Variants in P4HA3 observed in about 807,000 individuals in gnomAD.
P4HA3 encodes the protein prolyl 4-hydroxylase subunit alpha-3.
A neutral mutation model predicts 66.7 loss-of-function variants in P4HA3; 60 were observed. The observed-to-expected ratio is 0.90, with a 90% CI of 0.73 to 1.12. The LOEUF (loss-of-function observed/expected upper bound fraction) is 1.12, where lower values mean the gene tolerates loss of function less well. Ranked by LOEUF, P4HA3 falls within the 50% of genes most tolerant of loss-of-function variation. The pLI is 0.00. For missense variants in P4HA3, 683 were observed against 685.8 expected (o/e 1.00, Z 0.05); for synonymous variants, 263 against 274.6 (o/e 0.96, Z 0.42).
In P4HA3 at chr11:74,251,597, A is replaced by G. The variant is rs1859664780; in HGVS notation, c.*1319-3596T>C. The G allele has an allele frequency of 8.1e-6, 13 of 1,598,774 alleles. No homozygotes were observed. The East Asian group carries it at 2.7e-4, about 33-fold the overall frequency. On this transcript the variant is annotated intron_variant and NMD_transcript_variant, in intron 15 of 15. Coordinates refer to the P4HA3 transcript ENST00000524388. ...TAACAGTAGCTCACAGCCCAAGGCT[A>G]AGCCCCATCACTAACCTTTATATGG...
chr11:74,268,171 C>G lies in P4HA3; in HGVS notation c.1538G>C (p.Cys513Ser). The change falls in exon 12 of 13, where the codon TGT becomes TCT. Residue 513 changes from cysteine (C) to serine (S), a missense_variant. Cys to Ser is a moderately radical substitution (Grantham distance 112). Coordinates refer to ENST00000331597, the MANE Select transcript of P4HA3 (RefSeq NM_182904.5). The part of the protein sequence containing the change: ...EGDSDTLHAG[C>S]PVLVGDKWVA... ...CCACTTATCTCCCACCAGGACAGGA[C>G]AGCCAGCATGAAGTGTGTCACTGTC... 1.2e-6 allele frequency: 2 copies of G among 1,614,092 alleles called. No individual in the cohort carries two copies. The highest frequency in any genetic ancestry group is 2.7e-5 in the African/African-American group (2 of 75,058).
At chr11:74,304,932 A>G (rs1231957997) in intron 1 of P4HA3, among the ~76,000 whole-genome samples, 2 of 152,142 alleles carry the variant, frequency 1.3e-5, no homozygotes, top group Non-Finnish European at 2.9e-5. Flanking sequence ...TCAGATCATC[A>G]GGTACCAGTT....
chr11:74,252,594 G>A (rs576876073), intron 15 of P4HA3: 56 of 452,920 alleles, frequency 1.2e-4, no homozygotes, highest in African/African-American at 9.4e-4. Context: ...ACATTTTGAG[G>A]TGGATAATTC....
chr11:74,254,839 G>A (rs530579294), intron 15 of P4HA3: 3 of 152,482 alleles, frequency 2.0e-5, no homozygotes, highest in East Asian at 1.9e-4. Flanking sequence ...TGCTCTGCCT[G>A]TCCCCTGATC....
At chr11:74,274,028 G>C (rs2134734031) in intron 9 of P4HA3, among the ~76,000 whole-genome samples, 1 of 151,740 alleles carries the variant, frequency 6.6e-6, no homozygotes, top group Admixed American at 6.6e-5. Flanking sequence ...GGAACAGTTT[G>C]AGATATGATT....
rs1320054974 is a variant in P4HA3 at position 74,252,234 on chromosome 11, ATTTTGTTTTTTT to A, written c.*1319-4245_*1319-4234del. The stretch of plus-strand genomic sequence containing the variant: ...AGGCGTACGCCACCGTACCCGGCTA[ATTTTGTTTTTTT>A]TTTTGTTTTTTTTTTTTTTTAGTAA... On this transcript the variant is annotated intron_variant and NMD_transcript_variant, in intron 15 of 15. Transcript: ENST00000524388. 1.1e-4 allele frequency among the ~76,000 whole-genome samples: 14 copies of A among 133,052 alleles called. No individual in the cohort carries two copies. The South Asian group carries it at 1.6e-3, about 15-fold the overall frequency. The allele number at this position is 133,052 out of a possible 152,430, so 87.3% of individuals were successfully genotyped here.
In P4HA3 at chr11:74,286,365, T is replaced by C. The variant is rs1236387103; in HGVS notation, c.796A>G (p.Asn266Asp). 1 of 1,560,178 alleles carries C rather than the reference T, an allele frequency of 6.4e-7. No homozygotes were observed. The highest frequency in any genetic ancestry group is 1.4e-5 in the African/African-American group (1 of 72,588). ...AAGAGCCTTTCATATTTCAAGACAT[T>C]CCTGGCCATCCTCTTATTATCTGGG... is the stretch of plus-strand genomic sequence containing the variant. ...YSPDNKRMARNVLKYERLLAE... is the reference protein window; with the variant it reads ...YSPDNKRMARDVLKYERLLAE... Residue 266 changes from asparagine to aspartate, a missense_variant, in exon 6 of 13, where the codon AAT becomes GAT. Transcript: ENST00000331597.
At chr11:74,253,963 C>G (rs1859770318) in intron 15 of P4HA3, 1 of 184,766 alleles carries the variant, frequency 5.4e-6, no homozygotes, top group South Asian at 1.7e-4. Flanking sequence ...TTATTTTTCC[C>G]TTTCAAATAA....
Position 74,285,949 on chromosome 11 carries a change from AG to A in P4HA3, c.969del (p.Tyr324MetfsTer72). The A allele has an allele frequency of 6.2e-7, 1 of 1,611,016 alleles. No individual in the cohort carries two copies. Among genetic ancestry groups the A allele is most frequent in the Non-Finnish European group, 8.5e-7 (1 of 1,177,176 alleles). On this transcript the variant is annotated frameshift_variant, in exon 7 of 13. Coordinates refer to ENST00000331597, the MANE Select transcript of P4HA3 (RefSeq NM_182904.5). LOFTEE classifies it high-confidence loss of function. The part of the protein sequence containing the change: ...TLYQIPSLYC[S>X]YETNSNAYLL... ...AGGTAGGCGTTGGAATTGGTCTCAT[AG>A]GAACAGTAGAGGCTAGGGATCTGGT...
At chr11:74,271,835 C>T (rs951924872) in intron 10 of P4HA3, among the ~76,000 whole-genome samples, 1 of 152,092 alleles carries the variant, frequency 6.6e-6, no homozygotes, top group East Asian at 1.9e-4. Flanking sequence ...GAAATCCCAA[C>T]CTGAAGATGA....
intron 7 of P4HA3, among the ~76,000 whole-genome samples, chr11:74,282,490 G>A (rs1049451520): frequency 3.3e-5 from 5 of 152,204 alleles, no homozygotes; most frequent in African/African-American, 4.8e-5. Flanking sequence ...AGGGCAGTTC[G>A]TTCCAGGCAG....
Position 74,304,313 on chromosome 11 carries a change from C to A in P4HA3, c.300G>T (p.Trp100Cys). The A allele has an allele frequency of 6.2e-7, 1 of 1,614,052 alleles. No homozygotes were observed. The highest frequency in any genetic ancestry group is 8.5e-7 in the Non-Finnish European group (1 of 1,179,998). The change falls in exon 2 of 13, where the codon TGG becomes TGT. Residue 100 changes from tryptophan to cysteine, a missense_variant. Physicochemically the swap from Trp to Cys is radical, Grantham distance 215 (BLOSUM62 -2). Transcript: ENST00000331597. ...FTLIKRLQSD[W>C]RNVVHSLEAS... is the part of the protein sequence containing the mutation. ...CCTCCAGACTATGTACCACATTCCT[C>A]CAGTCAGACTGCAGGCGTTTGATGA...
Position 74,298,392 on chromosome 11 carries a change from C to A in P4HA3, c.568-31G>T, listed in dbSNP as rs1420033387. On this transcript the variant is annotated intron_variant, in intron 3 of 12. Coordinates refer to ENST00000331597, the MANE Select transcript of P4HA3 (RefSeq NM_182904.5). ...CAGAACACAAGTACCATCGCCAAAG[C>A]CTTATTCCACAGGTAGAAAAAGAAA... The A allele has an allele frequency of 2.5e-6, 4 of 1,592,132 alleles. No homozygotes were observed. In the African/African-American group the frequency reaches 4.0e-5, roughly 16 times the overall value.
intron 15 of P4HA3, chr11:74,251,357 A>G: frequency 7.4e-7 from 1 of 1,354,866 alleles, no homozygotes; most frequent in Non-Finnish European, 9.5e-7. Flanking sequence ...ACAGTTAGGA[A>G]TTAATATGGG....
chr11:74,263,260 C>T (rs977985107), downstream of P4HA3, among the ~76,000 whole-genome samples: 3 of 152,220 alleles, frequency 2.0e-5, no homozygotes, highest in South Asian at 2.1e-4. Flanking sequence ...AAGTGTTCAC[C>T]GTTCATTTGT....
intron 15 of P4HA3, chr11:74,250,874 G>C (rs1859640295): frequency 8.0e-7 from 1 of 1,250,492 alleles, no homozygotes; most frequent in Admixed American, 2.0e-5. Flanking sequence ...TAGGTCCTGG[G>C]CTCCTGGAAT....
At chr11:74,289,018 G>T in intron 5 of P4HA3, 61 bp downstream of exon 5, 2 of 1,245,802 alleles carry the variant, frequency 1.6e-6, no homozygotes, top group Non-Finnish European at 2.2e-6. Context: ...AAGGCCAGGA[G>T]CAGAAGGGAG....
At chr11:74,263,119 G>A (rs1859935411), downstream of P4HA3, among the ~76,000 whole-genome samples, 1 of 152,236 alleles carries the variant, frequency 6.6e-6, no homozygotes, top group Non-Finnish European at 1.5e-5. Context: ...GCAGCACACA[G>A]CTTCCCACTT....
chr11:74,268,162 A>G lies in P4HA3; in HGVS notation c.1547T>C (p.Leu516Pro), dbSNP rs780179734. Residue 516 changes from leucine to proline, a missense_variant, in exon 12 of 13, where the codon CTG (leucine) becomes CCG (proline). Transcript: ENST00000331597. ...SDTLHAGCPV[L>P]VGDKWVANKW... ...AGACTTACCCCACTTATCTCCCACC[A>G]GGACAGGACAGCCAGCATGAAGTGT... 1.2e-6 allele frequency: 2 copies of G among 1,613,946 alleles called. No individual in the cohort carries two copies. Among genetic ancestry groups the G allele is most frequent in the South Asian group, 2.2e-5 (2 of 91,032 alleles).
Sources: allele counts gnomAD v4.1 joint callset (sites outside exome capture counted in the v4.1 genomes callset), GRCh38; gene constraint gnomAD v4.1.1; transcripts MANE v1.5; gene names NCBI Gene and HGNC (gene_info 2026-07-23, HGNC 2026-07-21).